The following KCNJ18 variants were observed in gnomAD, a reference collection of about 807,000 sequenced individuals.
The protein encoded by KCNJ18 is inward rectifier potassium channel 18.
A neutral mutation model predicts 17.3 loss-of-function variants in KCNJ18; 16 were observed. The ratio of observed to expected loss-of-function variants is 0.92; its 90% confidence interval spans 0.62 to 1.40. KCNJ18 has a LOEUF of 1.40. KCNJ18 is among the 40% of genes most tolerant of loss of function. KCNJ18 has a pLI of 0.00. For missense variants in KCNJ18, 462 were observed against 626.8 expected (o/e 0.74, Z 2.81); for synonymous variants, 185 against 262.6 (o/e 0.70, Z 2.86).
At chr17:21,702,663 C>T in intron 2 of KCNJ18, 68 bp from the exon 3 acceptor site, 1 of 1,052,476 alleles carries the variant, frequency 9.5e-7, no homozygotes, top group Non-Finnish European at 1.4e-6. Flanking sequence ...CGTCTGGGGG[C>T]CCTGGGATGG....
At chr17:21,693,223 T>C (rs1441364362) in intron 1 of KCNJ18, among the ~76,000 whole-genome samples, 235 of 152,420 alleles carry the variant, frequency 1.5e-3, no homozygotes, top group South Asian at 9.9e-3. Context: ...GGCTGGCTCC[T>C]GTTTGCAGGG....
intron 1 of KCNJ18, among the ~76,000 whole-genome samples, chr17:21,695,159 T>G (rs1441589212): frequency 0.02 from 3,100 of 151,574 alleles, no homozygotes; most frequent in Non-Finnish European, 0.032. Flanking sequence ...ACTTTCACAC[T>G]TATCCATCCA....
rs1481923747 is a variant in KCNJ18, at chr17:21,704,003, C to G, written c.1217C>G (p.Pro406Arg). 4.2e-5 allele frequency: 67 copies of G among 1,596,698 alleles called. No homozygotes were observed. The highest frequency in any genetic ancestry group is 5.5e-5 in the Non-Finnish European group (65 of 1,172,298). Residue 406 changes from proline (P) to arginine (R), a missense_variant, in exon 3 of 3, where the codon CCC (proline) becomes CGC (arginine). Around this residue, in one of 5 missense-constraint regions of KCNJ18, gnomAD observed 123 missense variants for 117.5 expected, o/e 1.05. Coordinates refer to ENST00000567955, the MANE Select transcript of KCNJ18 (RefSeq NM_001194958.2). The stretch of plus-strand genomic sequence containing the variant: ...GGCCGAAGCCGGGATGGCCTCAGCC[C>G]CCAGGCCAGGCATGACTTTGACAGA... ...QDGRSRDGLS[P>R]QARHDFDRLQ...
chr17:21,702,772 C>G lies in KCNJ18; in HGVS notation c.-15C>G, dbSNP rs1481617510. ...AGCTAGCCTGGGGGTGAGCCAGGGT[C>G]CCCCAACCCCCGGGATGACCGCGGC... On this transcript the variant is annotated 5_prime_UTR_variant, in exon 3 of 3. Coordinates refer to ENST00000567955, the MANE Select transcript of KCNJ18 (RefSeq NM_001194958.2). 4 of 1,571,196 alleles carry G rather than the reference C, an allele frequency of 2.5e-6. No individual in the cohort carries two copies. Among genetic ancestry groups the G allele is most frequent in the East Asian group, 2.3e-5 (1 of 42,614 alleles).
At chr17:21,702,031 T>C (rs1905973365) in intron 2 of KCNJ18, among the ~76,000 whole-genome samples, 1 of 152,292 alleles carries the variant, frequency 6.6e-6, no homozygotes, top group Non-Finnish European at 1.5e-5. Flanking sequence ...TTGTTATTGC[T>C]GCCGCCATTG....
intron 1 of KCNJ18, among the ~76,000 whole-genome samples, chr17:21,693,398 G>A (rs1167777791): frequency 6.6e-6 from 1 of 152,312 alleles, no homozygotes; most frequent in Non-Finnish European, 1.5e-5. Flanking sequence ...TGAGGGACGA[G>A]GTTGGGAGAG....
At chr17:21,698,223 C>T (rs1172529483) in intron 2 of KCNJ18, among the ~76,000 whole-genome samples, 1 of 152,336 alleles carries the variant, frequency 6.6e-6, no homozygotes, top group South Asian at 2.1e-4. Context: ...CCCTACAGCC[C>T]AGCCTGGAAG....
rs1301202166 is a variant in KCNJ18 at position 21,702,924 on chromosome 17, C to G, written c.138C>G (p.Phe46Leu). ...CGCGGCGCAGGTGCCGCAACCGCTT[C>G]GTCAAGAAGAATGGCCAGTGCAACA... ...VHTRRRCRNRFVKKNGQCNIA... is the reference protein window; with the variant it reads ...VHTRRRCRNRLVKKNGQCNIA... Residue 46 changes from phenylalanine (F) to leucine (L), a missense_variant, in exon 3 of 3, where the codon TTC (phenylalanine) becomes TTG (leucine). By Grantham distance (22) the Phe-to-Leu change is conservative. Transcript: ENST00000567955. 1 of 1,592,732 alleles carries G rather than the reference C, an allele frequency of 6.3e-7. No homozygotes were observed. The highest frequency in any genetic ancestry group is 1.1e-5 in the South Asian group (1 of 88,374).
chr17:21,702,452 G>T, intron 2 of KCNJ18, among the ~76,000 whole-genome samples: 1 of 152,290 alleles, frequency 6.6e-6, no homozygotes, highest in South Asian at 2.1e-4. Context: ...GGCCTTGAGG[G>T]TGGGAGAAGG....
At chr17:21,694,029 G>C (rs1250770971) in intron 1 of KCNJ18, among the ~76,000 whole-genome samples, 2 of 152,144 alleles carry the variant, frequency 1.3e-5, no homozygotes, top group Non-Finnish European at 2.9e-5. Flanking sequence ...AGCTGAGAGA[G>C]GGGAAGTGAC....
At chr17:21,693,020 G>A (rs1484744514) in intron 1 of KCNJ18, among the ~76,000 whole-genome samples, 2 of 152,310 alleles carry the variant, frequency 1.3e-5, no homozygotes. Context: ...TCCCCTGCGG[G>A]ACGCTGTGGG....
intron 2 of KCNJ18, among the ~76,000 whole-genome samples, chr17:21,699,833 A>G (rs1905882642): frequency 1.3e-5 from 2 of 152,284 alleles, no homozygotes; most frequent in Admixed American, 1.3e-4. Flanking sequence ...CGAGGCCGCC[A>G]GCTACTGGGA....
chr17:21,694,457 G>A (rs1905694425), intron 1 of KCNJ18, among the ~76,000 whole-genome samples: 1 of 152,102 alleles, frequency 6.6e-6, no homozygotes, highest in African/African-American at 2.4e-5. Context: ...AATTACTGAT[G>A]TGTGCCCATC....
intron 2 of KCNJ18, among the ~76,000 whole-genome samples, chr17:21,700,682 G>A (rs1468639134): frequency 9.9e-6 from 1 of 100,930 alleles, no homozygotes; most frequent in African/African-American, 3.5e-5. Context: ...CTGAGTCCTG[G>A]CATTGCTGCC....
Position 21,703,010 on chromosome 17 carries a change from G to C in KCNJ18, c.224G>C (p.Cys75Ser). 1 of 1,611,986 alleles carries C rather than the reference G, an allele frequency of 6.2e-7. No homozygotes were observed. ...TACCTGGCTGACATGTTCACCACCT[G>C]TGTGGACATCCGCTGGCGCTACATG... ...QRYLADMFTTCVDIRWRYMLL... is the reference protein window; with the variant it reads ...QRYLADMFTTSVDIRWRYMLL... Residue 75 changes from cysteine to serine, a missense_variant, in exon 3 of 3, where the codon TGT (cysteine) becomes TCT (serine). Physicochemically the swap from Cys to Ser is moderately radical, Grantham distance 112. This residue lies in a region of KCNJ18 where 237 missense variants were observed against 259.4 expected (regional missense o/e 0.91). Transcript: ENST00000567955.
chr17:21,697,843 G>A (rs1905812699), intron 2 of KCNJ18, among the ~76,000 whole-genome samples: 1 of 152,310 alleles, frequency 6.6e-6, no homozygotes, highest in Admixed American at 6.5e-5. Flanking sequence ...GATTAGGAAA[G>A]ATTCTGAGCT....
At chr17:21,693,120 C>T (rs1337364020) in intron 1 of KCNJ18, among the ~76,000 whole-genome samples, 7,987 of 151,092 alleles carry the variant, frequency 0.053, no homozygotes, top group African/African-American at 0.18. Context: ...ACCATAACCC[C>T]GGGAAGCATT....
chr17:21,698,809 A>G (rs1289312597), intron 2 of KCNJ18, among the ~76,000 whole-genome samples: 2 of 152,166 alleles, frequency 1.3e-5, no homozygotes, highest in Admixed American at 6.5e-5. Context: ...CTGCGTCTGT[A>G]GGCACTGTGG....
intron 1 of KCNJ18, among the ~76,000 whole-genome samples, chr17:21,693,586 T>A (rs1905669849): frequency 6.6e-6 from 1 of 152,292 alleles, no homozygotes; most frequent in African/African-American, 2.4e-5. Flanking sequence ...AGTTTTCCTA[T>A]CTGTCCAGAG....
Sources: gnomAD v4.1 joint callset for allele counts (sites outside exome capture counted in the v4.1 genomes callset) on GRCh38, gnomAD v4.1.1 for gene constraint, gnomAD v4.1.1 regional missense constraint, MANE v1.5 for transcripts, NCBI Gene and HGNC (gene_info 2026-07-23, HGNC 2026-07-21) for gene names.